Variants in CASP2 observed in about 807,000 individuals in gnomAD.
The protein encoded by CASP2 is caspase-2.
A neutral mutation model predicts 54.4 loss-of-function variants in CASP2; 38 were observed. The observed-to-expected ratio is 0.70, with a 90% CI of 0.54 to 0.92. The LOEUF (loss-of-function observed/expected upper bound fraction) is 0.92, where lower values mean the gene tolerates loss of function less well. Ranked by LOEUF, CASP2 falls within the 40% of genes least tolerant of loss-of-function variation. The probability of loss-of-function intolerance (pLI) is 0.00; values close to 1 mark genes in which losing one functional copy is unlikely to be tolerated. For missense variants in CASP2, 512 were observed against 579.6 expected, an observed-to-expected ratio of 0.88 and a Z score of 1.20; for synonymous variants, 215 against 216.3, an observed-to-expected ratio of 0.99 and a Z score of 0.05.
intron 4 of CASP2, 85 bp from the exon 5 acceptor site, chr7:143,294,145 C>T (rs1563061691): frequency 3.7e-6 from 3 of 820,334 alleles, no homozygotes; most frequent in East Asian, 2.4e-5. Flanking sequence ...AACCCAGTTG[C>T]AAGAGATGTC....
Position 143,306,249 on chromosome 7 carries a change from C to CTTTTTTTTTTTT in CASP2, c.*1192_*1203dup, listed in dbSNP as rs869133273. 1 of 100,866 alleles carries CTTTTTTTTTTTT rather than the reference C, an allele frequency of 9.9e-6. No individual in the cohort carries two copies. Among genetic ancestry groups the CTTTTTTTTTTTT allele is most frequent in the African/African-American group, 4.1e-5 (1 of 24,214 alleles). 6.2% of individuals were successfully genotyped at this position (100,866 alleles called of 1,614,324 possible). ...TTCCCAACTTCCCTGTTCTTTAAGACTTTTTTTTTTTTTTTTTTTTTTTTT... is the reference window on the plus strand; with the variant it reads ...TTCCCAACTTCCCTGTTCTTTAAGACTTTTTTTTTTTTTTTTTTTTTTTTTTTTTTTTTTTTT... On this transcript the variant is annotated 3_prime_UTR_variant, in exon 11 of 11. Coordinates refer to ENST00000310447, the MANE Select transcript of CASP2 (RefSeq NM_032982.4).
At chr7:143,299,419 C>T (rs1181185482) in intron 6 of CASP2, among the ~76,000 whole-genome samples, 1 of 152,178 alleles carries the variant, frequency 6.6e-6, no homozygotes, top group Non-Finnish European at 1.5e-5. Context: ...TCATCATTAT[C>T]TCTTGGACAC....
intron 6 of CASP2, chr7:143,298,409 AATT>A (rs1736564039): frequency 1.3e-5 from 2 of 152,184 alleles, no homozygotes; most frequent in African/African-American, 4.8e-5. Flanking sequence ...ATGTGTGCCC[AATT>A]ATTATGCTCT....
chr7:143,292,344 G>A lies in CASP2; in HGVS notation c.270G>A (p.Leu90=). 6.2e-7 allele frequency: 1 copy of A among 1,614,196 alleles called. No homozygotes were observed. Among genetic ancestry groups the A allele is most frequent in the Non-Finnish European group, 8.5e-7 (1 of 1,180,030 alleles). The change falls in exon 3 of 11, where the codon TTG becomes TTA. Residue 90 remains leucine, a synonymous_variant. Transcript: ENST00000310447. ...SFSQNVELLN[L]LPKRGPQAFD... ...GCCAGAATGTGGAACTCCTCAACTTGCTGCCTAAGAGGGGTCCCCAAGCTT... is the reference window on the plus strand; with the variant it reads ...GCCAGAATGTGGAACTCCTCAACTTACTGCCTAAGAGGGGTCCCCAAGCTT...
In CASP2 at chr7:143,290,095, G is replaced by C. The variant is rs140460760; in HGVS notation, c.75-1445G>C. 2.9e-3 allele frequency among the ~76,000 whole-genome samples: 328 copies of C among 114,698 alleles called. 1 individual carries two copies. Among genetic ancestry groups the C allele is most frequent in the Middle Eastern group, 0.019 (2 of 108 alleles). The allele number at this position is 114,698 out of a possible 152,430, so 75.2% of individuals were successfully genotyped here. A position where few individuals can be genotyped will look rare whatever the true frequency, so the allele number is the denominator to read the frequency against. On this transcript the variant is annotated intron_variant, in intron 1 of 10. Transcript: ENST00000310447. Reference sequence around the variant, plus strand: ...TTTTTTTTTGGACGGAGTCTTTGCTGTGTCACCCAGGCTGGAGTGCAGTGG... The same window carrying C: ...TTTTTTTTTGGACGGAGTCTTTGCTCTGTCACCCAGGCTGGAGTGCAGTGG...
chr7:143,304,775 C>G lies in CASP2; in HGVS notation c.1219C>G (p.Leu407Val). Residue 407 changes from leucine (L) to valine (V), a missense_variant, in exon 10 of 11, where the codon CTG (leucine) becomes GTG (valine). Coordinates refer to ENST00000310447, the MANE Select transcript of CASP2 (RefSeq NM_032982.4). ...RACDMHVADM[L>V]VKVNALIKDR... The stretch of plus-strand genomic sequence containing the variant: ...TTGTGATATGCACGTGGCCGACATG[C>G]TGGTTAAGGTGAGCCAGCGGGCTCC... The G allele has an allele frequency of 6.2e-7, 1 of 1,613,894 alleles. No individual in the cohort carries two copies. Among genetic ancestry groups the G allele is most frequent in the Non-Finnish European group, 8.5e-7 (1 of 1,179,762 alleles).
chr7:143,298,566 G>T (rs577621382), intron 6 of CASP2: 2 of 152,366 alleles, frequency 1.3e-5, no homozygotes, highest in South Asian at 4.1e-4. Flanking sequence ...AGAGGCTGAG[G>T]CAAGAAGATT....
intron 4 of CASP2, chr7:143,293,033 A>G: frequency 1.7e-6 from 1 of 598,898 alleles, no homozygotes; most frequent in Admixed American, 3.0e-5. Context: ...AAAATAAAAT[A>G]AAAAGGAGGG....
At chr7:143,301,100 G>C in intron 8 of CASP2, 1 of 193,182 alleles carries the variant, frequency 5.2e-6, no homozygotes, top group Non-Finnish European at 9.8e-6. Context: ...TTCATAAGGT[G>C]CTTGTGATGG....
chr7:143,292,763 C>T (rs1801615193), intron 4 of CASP2, 65 bp downstream of exon 4: 1 of 1,370,460 alleles, frequency 7.3e-7, no homozygotes, highest in Admixed American at 1.7e-5. Flanking sequence ...ATAATCCCAG[C>T]ACTTTGCGGG....
At chr7:143,304,269 A>G (rs1014318537) in intron 9 of CASP2, among the ~76,000 whole-genome samples, 4 of 152,112 alleles carry the variant, frequency 2.6e-5, no homozygotes, top group African/African-American at 9.7e-5. Flanking sequence ...GTTTGTGGCA[A>G]TCCTTTGAGC....
At position 143,300,186 on chromosome 7, in the gene CASP2, CTTCT is replaced by C. The variant is rs1801872814; in HGVS notation, c.877-9_877-6del. 1 of 1,613,972 alleles carries C rather than the reference CTTCT, an allele frequency of 6.2e-7. No individual in the cohort carries two copies. Reference sequence around the variant, plus strand: ...GCTGAATGCTTAACCTCTCTTCTTCCTTCTTTCTTTCTGGCAGCTCCAAGAGGTT... The same window carrying C: ...GCTGAATGCTTAACCTCTCTTCTTCCTTCTTTCTGGCAGCTCCAAGAGGTT... On this transcript the variant is annotated splice_polypyrimidine_tract_variant and intron_variant, in intron 7 of 10. Transcript: ENST00000310447.
chr7:143,293,604 G>T (rs1013684712), intron 4 of CASP2, among the ~76,000 whole-genome samples: 15 of 151,886 alleles, frequency 9.9e-5, no homozygotes, highest in African/African-American at 3.4e-4. Flanking sequence ...CTGCCTCCTG[G>T]GTTCAAGTGA....
chr7:143,300,436 G>A, intron 8 of CASP2, 142 bp downstream of exon 8: 1 of 1,597,112 alleles, frequency 6.3e-7, no homozygotes, highest in South Asian at 1.1e-5. Context: ...CGCCTCTCTT[G>A]CTCTGTAAGT....
rs1419356875 is a variant in CASP2 at position 143,304,658 on chromosome 7, G to T, written c.1118-16G>T. On this transcript the variant is annotated splice_polypyrimidine_tract_variant and intron_variant, in intron 9 of 10. Transcript: ENST00000310447. Reference sequence around the variant, plus strand: ...TGATGGCATTCACACTGTGATTAATGCCCTTTTGGTTGCAGGGACTGCCGC... The same window carrying T: ...TGATGGCATTCACACTGTGATTAATTCCCTTTTGGTTGCAGGGACTGCCGC... 9 of 1,595,582 alleles carry T rather than the reference G, an allele frequency of 5.6e-6. No individual in the cohort carries two copies. The African/African-American group carries it at 6.7e-5, about 12-fold the overall frequency.
chr7:143,292,749 G>T (rs184665390), intron 4 of CASP2, 51 bp downstream of exon 4: 6 of 1,473,452 alleles, frequency 4.1e-6, no homozygotes, highest in South Asian at 3.4e-5. Flanking sequence ...CACGGCTTAC[G>T]CCTATAATCC....
At chr7:143,292,728 A>G (rs755923485) in intron 4 of CASP2, 30 bp downstream of exon 4, 4 of 1,570,608 alleles carry the variant, frequency 2.5e-6, no homozygotes, top group Non-Finnish European at 3.5e-6. Context: ...AAGGGGTCCC[A>G]GGCCAGGTGC....
Position 143,294,721 on chromosome 7 carries a change from T to C in CASP2, c.695T>C (p.Leu232Pro), listed in dbSNP as rs754290972. Residue 232 changes from leucine (L) to proline (P), a missense_variant, in exon 6 of 11, where the codon CTC becomes CCC. Leu to Pro is a moderately conservative substitution (Grantham distance 98). Coordinates refer to ENST00000310447, the MANE Select transcript of CASP2 (RefSeq NM_032982.4). ...GDVDHSTLVT[L>P]FKLLGYDVHV... Reference sequence around the variant, plus strand: ...GTGGACCACAGTACTCTAGTCACCCTCTTCAAGCTTTTGGGCTATGACGTC... The same window carrying C: ...GTGGACCACAGTACTCTAGTCACCCCCTTCAAGCTTTTGGGCTATGACGTC... 2.5e-6 allele frequency: 4 copies of C among 1,614,094 alleles called. No homozygotes were observed. The highest frequency in any genetic ancestry group is 3.4e-6 in the Non-Finnish European group (4 of 1,180,054).
Position 143,292,636 on chromosome 7 carries a change from TG to T in CASP2, c.414del (p.Ser139ValfsTer27), listed in dbSNP as rs1188928155. 1 of 1,613,688 alleles carries T rather than the reference TG, an allele frequency of 6.2e-7. No individual in the cohort carries two copies. ...TTACAGTTGAGCTGTGACTACGACT[TG>T]AGTCTCCCTTTTCCGGTGTGTGAGT... ...VLPPLSCDYD[L>X]SLPFPVCESC... On this transcript the variant is annotated frameshift_variant, in exon 4 of 11. Coordinates refer to ENST00000310447, the MANE Select transcript of CASP2 (RefSeq NM_032982.4). LOFTEE classifies it high-confidence loss of function.
Sources: allele counts gnomAD v4.1 joint callset (sites outside exome capture counted in the v4.1 genomes callset), GRCh38; gene constraint gnomAD v4.1.1; transcripts MANE v1.5; gene names NCBI Gene and HGNC (gene_info 2026-07-23, HGNC 2026-07-21).